DNAAF9: variants seen among roughly 807,000 people sequenced by gnomAD.
DNAAF9 encodes the protein dynein axonemal assembly factor 9, also known as shulin.
DNAAF9 carries 90 observed loss-of-function variants against 167.0 expected under a neutral mutation model. The ratio of observed to expected loss-of-function variants is 0.54; its 90% CI spans 0.45 to 0.64. The LOEUF is 0.64. Ranked by LOEUF, DNAAF9 falls within the 30% of genes least tolerant of loss-of-function variation. DNAAF9 has a pLI of 0.00. For missense variants in DNAAF9, 1,315 were observed against 1,442.2 expected (o/e 0.91, Z 1.43); for synonymous variants, 491 against 508.8 (o/e 0.96, Z 0.47).
intron 3 of DNAAF9, among the ~76,000 whole-genome samples, chr20:3,379,940 C>T (rs992070720): frequency 1.3e-5 from 2 of 152,152 alleles, no homozygotes; most frequent in African/African-American, 4.8e-5. Context: ...TGCCTGTAAT[C>T]CCGGCTACTC....
intron 30 of DNAAF9, among the ~76,000 whole-genome samples, chr20:3,265,858 T>A (rs184731856): frequency 6.1e-4 from 93 of 151,726 alleles, no homozygotes; most frequent in African/African-American, 2.1e-3. Flanking sequence ...TTGTATTTTT[T>A]AAATAGAGAC....
intron 17 of DNAAF9, 32 bp downstream of exon 17, chr20:3,318,257 A>T: frequency 1.1e-6 from 1 of 927,514 alleles, no homozygotes; most frequent in Non-Finnish European, 1.7e-6. Context: ...AAAAGGCTTA[A>T]GGTTTGCTTT....
intron 21 of DNAAF9, among the ~76,000 whole-genome samples, chr20:3,303,137 G>A (rs2069222888): frequency 6.6e-6 from 1 of 151,968 alleles, no homozygotes; most frequent in Non-Finnish European, 1.5e-5. Flanking sequence ...AGCTACTCAG[G>A]AGGCTGACGC....
Position 3,294,873 on chromosome 20 carries a change from C to CT in DNAAF9, c.2019-245dup, listed in dbSNP as rs112326872. On this transcript the variant is annotated intron_variant, in intron 23 of 36. Coordinates refer to ENST00000252032, the MANE Select transcript of DNAAF9 (RefSeq NM_001009984.3). ...CTGATTCTCGGTGATTTCACCTCTCCTTTTTTTTTTGAGATGGAGTCTTGC... is the reference window on the plus strand; with the variant it reads ...CTGATTCTCGGTGATTTCACCTCTCCTTTTTTTTTTTGAGATGGAGTCTTGC... Among the ~76,000 whole-genome samples, 830 of 148,366 alleles carry CT rather than the reference C, an allele frequency of 5.6e-3. 2 individuals carry two copies. Among genetic ancestry groups the CT allele is most frequent in the African/African-American group, 0.018 (747 of 40,632 alleles).
intron 6 of DNAAF9, among the ~76,000 whole-genome samples, chr20:3,361,703 T>C (rs1316426779): frequency 6.6e-6 from 1 of 152,226 alleles, no homozygotes; most frequent in Admixed American, 6.5e-5. Context: ...CTTATATATT[T>C]CAAATGGACA....
chr20:3,313,052 A>G (rs751923742), intron 20 of DNAAF9, among the ~76,000 whole-genome samples: 2 of 152,252 alleles, frequency 1.3e-5, no homozygotes, highest in Non-Finnish European at 2.9e-5. Flanking sequence ...TTTTTCTAAC[A>G]AGGCCCTCTG....
At chr20:3,301,079 A>G (rs6115844) in intron 21 of DNAAF9, among the ~76,000 whole-genome samples, 38,939 of 150,958 alleles carry the variant, frequency 0.26, 5,285 homozygotes, top group East Asian at 0.37. Context: ...CAGTGGTACA[A>G]TCACAGCTCA....
intron 28 of DNAAF9, among the ~76,000 whole-genome samples, chr20:3,279,826 C>T (rs867525885): frequency 2.0e-5 from 3 of 152,166 alleles, no homozygotes; most frequent in African/African-American, 4.8e-5. Context: ...CTGTTTGGCA[C>T]CACAGAGGTC....
chr20:3,302,610 G>C (rs546728726), intron 21 of DNAAF9, among the ~76,000 whole-genome samples: 10 of 152,286 alleles, frequency 6.6e-5, no homozygotes, highest in Admixed American at 6.5e-4. Flanking sequence ...TAGCAATAAA[G>C]AGAACACAGC....
chr20:3,279,570 A>G (rs1050193449), intron 28 of DNAAF9, among the ~76,000 whole-genome samples: 5 of 152,208 alleles, frequency 3.3e-5, no homozygotes, highest in Non-Finnish European at 5.9e-5. Context: ...CTAAAACATC[A>G]TAAGGCCTGT....
intron 30 of DNAAF9, among the ~76,000 whole-genome samples, chr20:3,264,843 C>T (rs746798725): frequency 3.9e-5 from 6 of 152,224 alleles, no homozygotes; most frequent in Non-Finnish European, 8.8e-5. Context: ...GTTGGGATTA[C>T]AGGCATGAGC....
intron 23 of DNAAF9, among the ~76,000 whole-genome samples, chr20:3,294,873 CT>C (rs112326872): frequency 6.7e-5 from 10 of 148,326 alleles, no homozygotes; most frequent in East Asian, 2.0e-4. Context: ...TTCACCTCTC[CT>C]TTTTTTTTTG....
intron 26 of DNAAF9, among the ~76,000 whole-genome samples, chr20:3,288,016 C>G (rs912600078): frequency 6.6e-6 from 1 of 152,162 alleles, no homozygotes; most frequent in East Asian, 1.9e-4. Flanking sequence ...ATAGGAAACC[C>G]CTTGCCATAG....
At chr20:3,387,978 A>G (rs987039290) in intron 1 of DNAAF9, among the ~76,000 whole-genome samples, 18 of 149,614 alleles carry the variant, frequency 1.2e-4, no homozygotes, top group African/African-American at 4.4e-4. Context: ...AGGTAAGAGG[A>G]TCATCTGAGC....
intron 23 of DNAAF9, chr20:3,296,242 C>T (rs1027515869): frequency 2.3e-5 from 11 of 480,544 alleles, no homozygotes; most frequent in South Asian, 9.8e-5. Flanking sequence ...GCACTCTACC[C>T]GGGGTGACAG....
intron 29 of DNAAF9, among the ~76,000 whole-genome samples, chr20:3,272,936 C>T (rs1249955195): frequency 6.6e-6 from 1 of 152,096 alleles, no homozygotes; most frequent in Non-Finnish European, 1.5e-5. Context: ...GATTCCCCTG[C>T]CTCAGACTCC....
rs1568575690 is a variant in DNAAF9 at position 3,281,772 on chromosome 20, G to A, written c.2487-6C>T. On this transcript the variant is annotated splice_polypyrimidine_tract_variant and splice_region_variant and intron_variant, in intron 27 of 36. Coordinates refer to ENST00000252032, the MANE Select transcript of DNAAF9 (RefSeq NM_001009984.3). The stretch of plus-strand genomic sequence containing the variant: ...CATCAATAACATCTGTGTAGCTGGG[G>A]AAGGTAAAAAAGGAATGATTAGTTC... 6.2e-7 allele frequency: 1 copy of A among 1,606,266 alleles called. No homozygotes were observed. The highest frequency in any genetic ancestry group is 1.7e-5 in the Admixed American group (1 of 58,350).
chr20:3,323,709 C>T (rs2069660733), intron 14 of DNAAF9, among the ~76,000 whole-genome samples: 2 of 152,154 alleles, frequency 1.3e-5, no homozygotes, highest in Admixed American at 1.3e-4. Context: ...GACACCTAGG[C>T]CTAGGAGGCC....
At position 3,315,760 on chromosome 20, in the gene DNAAF9, G is replaced by A. The variant is rs1337259760; in HGVS notation, c.1565C>T (p.Ser522Phe). 1.9e-6 allele frequency: 3 copies of A among 1,613,800 alleles called. No homozygotes were observed. In the South Asian group the frequency reaches 3.3e-5, roughly 18 times the overall value. Residue 522 changes from serine (S) to phenylalanine (F), a missense_variant, in exon 19 of 37, where the codon TCT (serine) becomes TTT (phenylalanine). Transcript: ENST00000252032. This position sits in a 1 kb window ranked among gnomAD's most constrained non-coding sequence, Gnocchi z 4.1. ...CCTCACTGCTTGCTGGGTTTTCTCA[G>A]ACAATTTTACTTCATTATCTTCCAC... is the stretch of plus-strand genomic sequence containing the variant. ...WLVEDNEVKL[S>F]EKTQQAVRGD...
Sources: gnomAD v4.1 joint callset for allele counts (sites outside exome capture counted in the v4.1 genomes callset) on GRCh38, gnomAD v4.1.1 for gene constraint, Gnocchi (gnomAD v3.1) non-coding constraint, MANE v1.5 for transcripts, NCBI Gene and HGNC (gene_info 2026-07-23, HGNC 2026-07-21) for gene names.